Variants in ATXN2 observed in about 807,000 individuals in gnomAD.
The protein encoded by ATXN2 is ataxin-2.
A neutral mutation model predicts 138.6 loss-of-function variants in ATXN2; 37 were observed. The observed-to-expected ratio is 0.27, with a 90% CI of 0.21 to 0.35. ATXN2 has a LOEUF of 0.35. Ranked by LOEUF, ATXN2 falls within the 10% of genes least tolerant of loss-of-function variation. The probability of loss-of-function intolerance (pLI) is 1.00; values close to 1 mark genes in which losing one functional copy is unlikely to be tolerated. For synonymous variants in ATXN2, 549 were observed against 543.7 expected, an observed-to-expected ratio of 1.01 and a Z score of -0.13; for missense variants, 1,216 against 1,480.3, an observed-to-expected ratio of 0.82 and a Z score of 2.93.
In ATXN2 at chr12:111,581,307, T is replaced by C. The variant is rs539425639; in HGVS notation, c.251+17477A>G. 25 of 511,842 alleles carry C rather than the reference T, an allele frequency of 4.9e-5. No homozygotes were observed. The Admixed American group carries it at 5.7e-4, about 12-fold the overall frequency. 31.7% of individuals were successfully genotyped at this position (511,842 alleles called of 1,614,324 possible). On this transcript the variant is annotated intron_variant, in intron 1 of 24. Transcript: ENST00000673436. ...CCACCAGAGCCAGAGAAATCCAAAC[T>C]ACCAGGGAAAGGGAGGGGCCCACTG...
At chr12:111,471,332 T>G (rs1876402266) in intron 18 of ATXN2, 1 of 152,882 alleles carries the variant, frequency 6.5e-6, no homozygotes, top group African/African-American at 2.4e-5. Context: ...GGTCTGCATG[T>G]AAGGGCCTCG....
intron 5 of ATXN2, among the ~76,000 whole-genome samples, chr12:111,535,082 C>T (rs1472492008): frequency 1.3e-5 from 2 of 152,102 alleles, no homozygotes; most frequent in South Asian, 2.1e-4. Context: ...GCCATGATGG[C>T]GCCACTGCAT....
chr12:111,492,525 T>G (rs1416038703), intron 14 of ATXN2, among the ~76,000 whole-genome samples: 3 of 151,822 alleles, frequency 2.0e-5, no homozygotes, highest in Admixed American at 2.0e-4. Context: ...TTACTAAAAA[T>G]ACAAAAATTA....
At chr12:111,572,283 C>T (rs1012360895) in intron 1 of ATXN2, among the ~76,000 whole-genome samples, 1 of 151,772 alleles carries the variant, frequency 6.6e-6, no homozygotes, top group Admixed American at 6.6e-5. Context: ...TGCCTATAAC[C>T]CCAGCTACTT....
intron 20 of ATXN2, among the ~76,000 whole-genome samples, chr12:111,467,493 A>C (rs1876110040): frequency 6.6e-6 from 1 of 151,738 alleles, no homozygotes; most frequent in African/African-American, 2.4e-5. Context: ...CCACAAAGGG[A>C]ATCTTGATTA....
At chr12:111,521,884 A>G (rs1370140962) in intron 6 of ATXN2, among the ~76,000 whole-genome samples, 2 of 152,210 alleles carry the variant, frequency 1.3e-5, no homozygotes, top group African/African-American at 4.8e-5. Context: ...CAATTGGGCC[A>G]CAGGCTGGAA....
Position 111,492,477 on chromosome 12 carries a change from T to C in ATXN2, c.1936-3697A>G, listed in dbSNP as rs540236897. Among the ~76,000 whole-genome samples the C allele has an allele frequency of 3.9e-5, 6 of 152,006 alleles. No individual in the cohort carries two copies. The South Asian group carries it at 1.2e-3, about 32-fold the overall frequency. On this transcript the variant is annotated intron_variant, in intron 14 of 24. Coordinates refer to ENST00000673436, the MANE Select transcript of ATXN2 (RefSeq NM_001372574.1). Reference sequence around the variant, plus strand: ...GGCGGACAGATCACGAGGTTAGGAGTTCGAGACCAGCCTGACCAACATGGT... The same window carrying C: ...GGCGGACAGATCACGAGGTTAGGAGCTCGAGACCAGCCTGACCAACATGGT...
Position 111,598,889 on chromosome 12 carries a change from G to T in ATXN2, c.146C>A (p.Ala49Asp). Residue 49 changes from alanine to aspartate, a missense_variant, in exon 1 of 25, where the codon GCC (alanine) becomes GAC (aspartate). Ala to Asp is a moderately radical substitution (Grantham distance 126, BLOSUM62 -2). Around this residue, in one of 4 missense-constraint regions of ATXN2, gnomAD observed 110 missense variants for 88.7 expected, o/e 1.24. Transcript: ENST00000673436. This position sits in a 1 kb window ranked among gnomAD's most constrained non-coding sequence, Gnocchi z 4.5. Reference sequence around the variant, plus strand: ...GGACGAGGACGGCGAAGGCGCGGCGGCGGGCGACGCTAGAAGGCCGCTGCC... The same window carrying T: ...GGACGAGGACGGCGAAGGCGCGGCGTCGGGCGACGCTAGAAGGCCGCTGCC... ...PGGSGLLASP[A>D]AAPSPSSSSV... is the part of the protein sequence containing the mutation. 6.7e-7 allele frequency: 1 copy of T among 1,498,984 alleles called. No homozygotes were observed. The highest frequency in any genetic ancestry group is 8.8e-7 in the Non-Finnish European group (1 of 1,130,442). The allele number at this position is 1,498,984 out of a possible 1,614,324, so 92.9% of individuals were successfully genotyped here.
chr12:111,519,731 C>G, intron 8 of ATXN2, 148 bp downstream of exon 8: 1 of 1,391,890 alleles, frequency 7.2e-7, no homozygotes, highest in Non-Finnish European at 9.6e-7. Context: ...TCACCATAAC[C>G]TTTTCTCTAA....
intron 1 of ATXN2, chr12:111,597,862 C>G: frequency 7.8e-7 from 1 of 1,288,686 alleles, no homozygotes. Flanking sequence ...CCCCTGCCAC[C>G]AGCACCGCCA....
In ATXN2 at chr12:111,588,991, C is replaced by CAAAAAAA. The variant is rs58116265; in HGVS notation, c.251+9786_251+9792dup. Among the ~76,000 whole-genome samples, 130 of 38,700 alleles carry CAAAAAAA rather than the reference C, an allele frequency of 3.4e-3. 14 individuals are homozygous for CAAAAAAA. Among genetic ancestry groups the CAAAAAAA allele is most frequent in the Middle Eastern group, 0.083 (1 of 12 alleles). 25.4% of individuals were successfully genotyped at this position (38,700 alleles called of 152,430 possible). A position where few individuals can be genotyped will look rare whatever the true frequency, so the allele number is the denominator to read the frequency against. On this transcript the variant is annotated intron_variant, in intron 1 of 24. Transcript: ENST00000673436. ...GCCTGGGCGACAGAGCGAGATTTCT[C>CAAAAAAA]AAAAAAAAAAAAAAAAAAAAAAAAA...
At chr12:111,477,645 G>T (rs995703207) in intron 18 of ATXN2, among the ~76,000 whole-genome samples, 1 of 152,092 alleles carries the variant, frequency 6.6e-6, no homozygotes, top group Non-Finnish European at 1.5e-5. Flanking sequence ...CAGACTGGGA[G>T]AAAATATTCA....
At chr12:111,578,050 AG>A (rs1364699851) in intron 1 of ATXN2, among the ~76,000 whole-genome samples, 1 of 151,894 alleles carries the variant, frequency 6.6e-6, no homozygotes, top group Non-Finnish European at 1.5e-5. Flanking sequence ...TACAAAAATT[AG>A]CCAGGTGTGG....
chr12:111,597,802 G>A (rs565400523), intron 1 of ATXN2: 4 of 1,211,980 alleles, frequency 3.3e-6, no homozygotes, highest in East Asian at 5.7e-5. Flanking sequence ...CTCTCTCCTA[G>A]CATTTCCGAA....
At chr12:111,591,123 T>C (rs113075607) in intron 1 of ATXN2, among the ~76,000 whole-genome samples, 15,590 of 151,934 alleles carry the variant, frequency 0.1, 2,663 homozygotes, top group African/African-American at 0.35. Context: ...TCTCCTGACC[T>C]CGTGATCTGC....
At chr12:111,452,942 G>A (rs1175690351) in intron 24 of ATXN2, 102 bp from the exon 25 acceptor site, 9 of 1,088,562 alleles carry the variant, frequency 8.3e-6, no homozygotes, top group East Asian at 1.7e-4. Flanking sequence ...CGTGCTAGCT[G>A]AACAAAACTC....
chr12:111,493,991 C>G (rs987928560), intron 14 of ATXN2, among the ~76,000 whole-genome samples: 1 of 151,906 alleles, frequency 6.6e-6, no homozygotes, highest in African/African-American at 2.4e-5. Flanking sequence ...AGTGCAGTGG[C>G]GCACTCTCGG....
chr12:111,595,852 G>C (rs1197661065), intron 1 of ATXN2, among the ~76,000 whole-genome samples: 2 of 145,664 alleles, frequency 1.4e-5, no homozygotes, highest in Non-Finnish European at 3.0e-5. Flanking sequence ...TTGAGGTCAG[G>C]AGGAGTTCGA....
intron 18 of ATXN2, among the ~76,000 whole-genome samples, chr12:111,473,800 T>G (rs931638947): frequency 2.0e-5 from 3 of 151,026 alleles, no homozygotes; most frequent in Non-Finnish European, 4.4e-5. Flanking sequence ...CAAGCCTTCA[T>G]TATTTACTAT....
Sources: gnomAD v4.1 joint callset for allele counts (sites outside exome capture counted in the v4.1 genomes callset) on GRCh38, gnomAD v4.1.1 for gene constraint, gnomAD v4.1.1 regional missense constraint, Gnocchi (gnomAD v3.1) non-coding constraint, MANE v1.5 for transcripts, NCBI Gene and HGNC (gene_info 2026-07-23, HGNC 2026-07-21) for gene names.